Variants in RPA1 observed in about 807,000 individuals in gnomAD.
The protein encoded by RPA1 is replication protein A 70 kDa DNA-binding subunit.
RPA1 carries 49 observed loss-of-function variants against 83.0 expected under a neutral mutation model. That is an observed-to-expected ratio of 0.59 (90% CI 0.47 to 0.75). The LOEUF (loss-of-function observed/expected upper bound fraction) is 0.75, where lower values mean the gene tolerates loss of function less well. Among genes scored for constraint, RPA1 ranks in the 30% least tolerant of loss-of-function variants. RPA1 has a pLI of 0.00. For synonymous variants in RPA1, 279 were observed against 281.8 expected (o/e 0.99, Z 0.10); for missense variants, 693 against 776.1 (o/e 0.89, Z 1.27).
intron 4 of RPA1, among the ~76,000 whole-genome samples, chr17:1,845,942 C>G (rs1196609513): frequency 6.6e-6 from 1 of 151,942 alleles, no homozygotes; most frequent in Non-Finnish European, 1.5e-5. Flanking sequence ...CAAAAAAGAC[C>G]AAAACAACAA....
chr17:1,868,107 A>C (rs991530084), intron 5 of RPA1, among the ~76,000 whole-genome samples: 7 of 152,066 alleles, frequency 4.6e-5, no homozygotes, highest in South Asian at 2.1e-4. Flanking sequence ...AAAGAAAATA[A>C]ACATAGGGCT....
chr17:1,842,711 A>G (rs1007771884), intron 1 of RPA1, 92 bp from the exon 2 acceptor site: 2 of 1,097,584 alleles, frequency 1.8e-6, no homozygotes, highest in Non-Finnish European at 2.8e-6. Context: ...TAACAATCTT[A>G]TCTATATATT....
At chr17:1,838,585 A>T (rs1319935396) in intron 1 of RPA1, among the ~76,000 whole-genome samples, 3 of 149,392 alleles carry the variant, frequency 2.0e-5, no homozygotes, top group Non-Finnish European at 4.4e-5. Flanking sequence ...CCTGGGCAAC[A>T]AGAGTGAAAC....
intron 13 of RPA1, among the ~76,000 whole-genome samples, chr17:1,886,412 T>TA (rs1913993083): frequency 6.6e-6 from 1 of 152,258 alleles, no homozygotes; most frequent in South Asian, 2.1e-4. Context: ...CATTCGCGCC[T>TA]AACAGGAGAG....
At chr17:1,869,448 G>T (rs966042889) in intron 5 of RPA1, among the ~76,000 whole-genome samples, 5 of 152,056 alleles carry the variant, frequency 3.3e-5, no homozygotes, top group African/African-American at 9.7e-5. Flanking sequence ...TGAGGCAGGA[G>T]AATCTCTTGA....
At chr17:1,832,499 C>T (rs777441501) in intron 1 of RPA1, among the ~76,000 whole-genome samples, 11 of 151,656 alleles carry the variant, frequency 7.3e-5, no homozygotes, top group Non-Finnish European at 1.2e-4. Context: ...CAATTCTCCT[C>T]CCTCAGCCTC....
At position 1,875,680 on chromosome 17, in the gene RPA1, T is replaced by A; in HGVS notation, c.474T>A (p.Ala158=). 2 of 1,614,124 alleles carry A rather than the reference T, an allele frequency of 1.2e-6. No homozygotes were observed. The highest frequency in any genetic ancestry group is 1.6e-4 in the Middle Eastern group (1 of 6,062). ...TTAAAGGTTCTACTGTTTCTAAGGCTTATGGTGCTTCAAAGACATTTGGAA... is the reference window on the plus strand; with the variant it reads ...TTAAAGGTTCTACTGTTTCTAAGGCATATGGTGCTTCAAAGACATTTGGAA... ...SSGMGSTVSK[A]YGASKTFGKA... The change falls in exon 7 of 17, where the codon GCT becomes GCA. Residue 158 remains alanine, a synonymous_variant. Transcript: ENST00000254719.
chr17:1,859,028 A>G (rs1912835515), intron 5 of RPA1, among the ~76,000 whole-genome samples: 1 of 150,426 alleles, frequency 6.6e-6, no homozygotes, highest in Non-Finnish European at 1.5e-5. Context: ...TCAGCCTCCC[A>G]GGTAGCTAGG....
intron 4 of RPA1, among the ~76,000 whole-genome samples, chr17:1,851,116 A>T (rs1007080103): frequency 6.6e-6 from 1 of 152,132 alleles, no homozygotes; most frequent in African/African-American, 2.4e-5. Flanking sequence ...TTTTGAGGTA[A>T]ATCTCAGACA....
intron 1 of RPA1, among the ~76,000 whole-genome samples, chr17:1,834,317 AAAGTGCTG>A (rs1911728622): frequency 1.3e-5 from 2 of 152,108 alleles, no homozygotes; most frequent in Admixed American, 1.3e-4. Context: ...TCAGCTTCCC[AAAGTGCTG>A]TGATTATAGA....
chr17:1,874,026 T>TACACAC (rs1287669764), intron 6 of RPA1, among the ~76,000 whole-genome samples: 57 of 110,172 alleles, frequency 5.2e-4, no homozygotes, highest in Non-Finnish European at 7.9e-4. Flanking sequence ...TATATATATA[T>TACACAC]ATATATACAC....
intron 16 of RPA1, among the ~76,000 whole-genome samples, chr17:1,895,677 A>AT (rs1914389212): frequency 6.8e-6 from 1 of 146,748 alleles, no homozygotes; most frequent in African/African-American, 2.5e-5. Flanking sequence ...TTATTTATTT[A>AT]TTTATTTATT....
At position 1,897,067 on chromosome 17, in the gene RPA1, G is replaced by T; in HGVS notation, c.1747-4G>T. ...GCTCACAAACTACTTCTCCCTTTTTGAAGGACGAGTCTCGAATTAAGGCCA... is the reference window on the plus strand; with the variant it reads ...GCTCACAAACTACTTCTCCCTTTTTTAAGGACGAGTCTCGAATTAAGGCCA... On this transcript the variant is annotated splice_region_variant and splice_polypyrimidine_tract_variant and intron_variant, in intron 16 of 16. Coordinates refer to ENST00000254719, the MANE Select transcript of RPA1 (RefSeq NM_002945.5). 6.4e-7 allele frequency: 1 copy of T among 1,564,666 alleles called. No individual in the cohort carries two copies. The highest frequency in any genetic ancestry group is 1.2e-5 in the South Asian group (1 of 84,674).
chr17:1,889,121 G>A (rs921316131), intron 14 of RPA1, among the ~76,000 whole-genome samples: 12 of 152,180 alleles, frequency 7.9e-5, no homozygotes, highest in South Asian at 2.1e-4. Context: ...ATTTGAAAAC[G>A]GCATTTATAG....
rs1394030855 is a variant in RPA1 at position 1,897,314 on chromosome 17, G to A, written c.*139G>A. On this transcript the variant is annotated 3_prime_UTR_variant, in exon 17 of 17. Coordinates refer to ENST00000254719, the MANE Select transcript of RPA1 (RefSeq NM_002945.5). ...TGGACTAAGCAATTTCCCCCCTCGT[G>A]CGCATCTCAGAACCCATCGGTAGGC... The A allele has an allele frequency of 1.5e-6, 1 of 654,908 alleles. No homozygotes were observed. The highest frequency in any genetic ancestry group is 2.6e-6 in the Non-Finnish European group (1 of 379,636). 40.6% of individuals were successfully genotyped at this position (654,908 alleles called of 1,614,324 possible).
chr17:1,866,724 G>A (rs530030767), intron 5 of RPA1, among the ~76,000 whole-genome samples: 4 of 152,368 alleles, frequency 2.6e-5, no homozygotes, highest in African/African-American at 7.2e-5. Context: ...GCCTCCCGAA[G>A]TGCTGGGATT....
chr17:1,841,486 T>C (rs1175033396), intron 1 of RPA1, among the ~76,000 whole-genome samples: 1 of 152,138 alleles, frequency 6.6e-6, no homozygotes, highest in East Asian at 1.9e-4. Context: ...AAATTTTTGA[T>C]GGAAACAGGG....
In RPA1 at chr17:1,860,887, C is replaced by T. The variant is rs80341234; in HGVS notation, c.361+7698C>T. 1.3e-3 allele frequency among the ~76,000 whole-genome samples: 192 copies of T among 152,214 alleles called. 1 individual carries two copies. The East Asian group carries it at 0.029, about 23-fold the overall frequency. ...ACAGTTAACTTGGAGACAGTTTGAT[C>T]TTTTGGTGTGTTGCTTTTAAGATTT... On this transcript the variant is annotated intron_variant, in intron 5 of 16. Coordinates refer to ENST00000254719, the MANE Select transcript of RPA1 (RefSeq NM_002945.5).
At chr17:1,843,887 A>T in intron 2 of RPA1, 33 bp from the exon 3 acceptor site, 1 of 1,598,842 alleles carries the variant, frequency 6.3e-7, no homozygotes, top group Non-Finnish European at 8.6e-7. Flanking sequence ...CGGGGCAGAC[A>T]ACCTGGCTAA....
Sources: allele counts gnomAD v4.1 joint callset (sites outside exome capture counted in the v4.1 genomes callset), GRCh38; gene constraint gnomAD v4.1.1; transcripts MANE v1.5; gene names NCBI Gene and HGNC (gene_info 2026-07-23, HGNC 2026-07-21).